NEDD4L: variants seen among roughly 807,000 people sequenced by gnomAD.
NEDD4L encodes E3 ubiquitin-protein ligase NEDD4-like.
In NEDD4L, 54 loss-of-function variants were observed where a neutral mutation model predicts 148.9. The observed-to-expected ratio is 0.36, with a 90% confidence interval of 0.29 to 0.45. The LOEUF (loss-of-function observed/expected upper bound fraction) is 0.45. NEDD4L is among the 20% of genes least tolerant of loss of function. The probability of loss-of-function intolerance (pLI) is 1.00; values close to 1 mark genes in which losing one functional copy is unlikely to be tolerated. For missense variants in NEDD4L, 856 were observed against 1,233.8 expected, an observed-to-expected ratio of 0.69 and a Z score of 4.59; for synonymous variants, 433 against 440.7, an observed-to-expected ratio of 0.98 and a Z score of 0.22.
At chr18:58,150,867 G>A (rs1341631244) in intron 1 of NEDD4L, among the ~76,000 whole-genome samples, 2 of 151,962 alleles carry the variant, frequency 1.3e-5, no homozygotes, top group Non-Finnish European at 2.9e-5. Flanking sequence ...GTGGGGGCGG[G>A]TCGTACCATG....
At chr18:58,301,826 T>C (rs2056503808) in intron 5 of NEDD4L, among the ~76,000 whole-genome samples, 1 of 152,226 alleles carries the variant, frequency 6.6e-6, no homozygotes, top group South Asian at 2.1e-4. Flanking sequence ...ACCAAGAAAC[T>C]GTGCCCAGGC....
At chr18:58,377,544 A>G (rs1219014470) in intron 24 of NEDD4L, among the ~76,000 whole-genome samples, 2 of 152,102 alleles carry the variant, frequency 1.3e-5, no homozygotes, top group Non-Finnish European at 2.9e-5. Flanking sequence ...CTAGGGCCTA[A>G]TATGAAAGTT....
rs2081487553 is a variant in NEDD4L at position 58,044,626 on chromosome 18, G to A, written c.-35G>A. ...CGTCCGCGCCGCAGCACAGCCGCTG[G>A]GAGCGCCTCAGACCCCGCGCGGGGC... On this transcript the variant is annotated 5_prime_UTR_variant, in exon 1 of 31. Coordinates refer to ENST00000400345, the MANE Select transcript of NEDD4L (RefSeq NM_001144967.3). The A allele has an allele frequency of 1.3e-6, 2 of 1,574,370 alleles. No individual in the cohort carries two copies. Among genetic ancestry groups the A allele is most frequent in the Non-Finnish European group, 1.7e-6 (2 of 1,161,286 alleles).
intron 5 of NEDD4L, among the ~76,000 whole-genome samples, chr18:58,297,802 G>A (rs896844596): frequency 2.0e-5 from 3 of 152,108 alleles, no homozygotes; most frequent in Non-Finnish European, 4.4e-5. Context: ...AAATATCTCT[G>A]TGTGCTGGAA....
chr18:58,367,853 G>A lies in NEDD4L; in HGVS notation c.2171G>A (p.Gly724Glu). ...GRVAGLAVFH[G>E]KLLDGFFIRP... ...GTTGCTGGTCTGGCCGTATTTCATG[G>A]GAAGCTCTTAGATGGTAAGTCTTGA... is the stretch of plus-strand genomic sequence containing the variant. The change falls in exon 22 of 31, where the codon GGG (glycine) becomes GAG (glutamate). Residue 724 changes from glycine (G) to glutamate (E), a missense_variant. This residue lies in a region of NEDD4L where 286 missense variants were observed against 531.8 expected (regional missense o/e 0.54). Coordinates refer to ENST00000400345, the MANE Select transcript of NEDD4L (RefSeq NM_001144967.3). 1 of 1,613,942 alleles carries A rather than the reference G, an allele frequency of 6.2e-7. No individual in the cohort carries two copies. Among genetic ancestry groups the A allele is most frequent in the Non-Finnish European group, 8.5e-7 (1 of 1,179,862 alleles).
intron 5 of NEDD4L, chr18:58,255,890 C>T (rs2048463513): frequency 2.4e-6 from 3 of 1,232,128 alleles, no homozygotes; most frequent in Non-Finnish European, 3.0e-6. Flanking sequence ...CATCGACGCC[C>T]GCCCCACGTG....
chr18:58,152,249 G>A (rs2034873037), intron 1 of NEDD4L, among the ~76,000 whole-genome samples: 1 of 152,178 alleles, frequency 6.6e-6, no homozygotes. Flanking sequence ...AAACAGCAAG[G>A]CTTGGGAACA....
Position 58,303,354 on chromosome 18 carries a change from C to T in NEDD4L, c.298-12628C>T, listed in dbSNP as rs545194809. Among the ~76,000 whole-genome samples, 3 of 152,318 alleles carry T rather than the reference C, an allele frequency of 2.0e-5. No homozygotes were observed. In the South Asian group the frequency reaches 6.2e-4, roughly 32 times the overall value. On this transcript the variant is annotated intron_variant, in intron 5 of 30. Transcript: ENST00000400345. Reference sequence around the variant, plus strand: ...TGAATATTTGGGGCATTTTGCTCCTCTGGGCTTTTCTCTAAAGCACCCTCA... The same window carrying T: ...TGAATATTTGGGGCATTTTGCTCCTTTGGGCTTTTCTCTAAAGCACCCTCA...
chr18:58,278,694 G>A (rs2148926954), intron 5 of NEDD4L, among the ~76,000 whole-genome samples: 1 of 152,048 alleles, frequency 6.6e-6, no homozygotes, highest in Middle Eastern at 3.4e-3. Flanking sequence ...TCATGTACAG[G>A]CCTTCAGCCC....
At chr18:58,055,801 T>G (rs1272159051) in intron 1 of NEDD4L, among the ~76,000 whole-genome samples, 1 of 152,266 alleles carries the variant, frequency 6.6e-6, no homozygotes, top group East Asian at 1.9e-4. Flanking sequence ...GCACTCCAGT[T>G]GCGTGAAAGT....
intron 2 of NEDD4L, among the ~76,000 whole-genome samples, chr18:58,198,091 G>A (rs2040936818): frequency 6.6e-6 from 1 of 152,140 alleles, no homozygotes; most frequent in Non-Finnish European, 1.5e-5. Flanking sequence ...GTAACTGTAG[G>A]ATAGGTAAAG....
chr18:58,257,314 A>AGAC (rs1346587388), intron 5 of NEDD4L, among the ~76,000 whole-genome samples: 2 of 152,178 alleles, frequency 1.3e-5, no homozygotes, highest in African/African-American at 4.8e-5. Flanking sequence ...GCAGGAGGTC[A>AGAC]GGTCAGTCGT....
intron 1 of NEDD4L, among the ~76,000 whole-genome samples, chr18:58,160,730 C>T (rs373666374): frequency 3.7e-4 from 57 of 152,252 alleles, no homozygotes; most frequent in African/African-American, 1.1e-3. Flanking sequence ...AAAAGAATGA[C>T]GATGGTTGCT....
intron 1 of NEDD4L, among the ~76,000 whole-genome samples, chr18:58,068,715 AG>A (rs760777438): frequency 1.2e-4 from 19 of 152,208 alleles, no homozygotes; most frequent in Non-Finnish European, 2.2e-4. Flanking sequence ...ATTGCTCTGC[AG>A]GAGACATAGG....
chr18:58,367,782 C>A lies in NEDD4L; in HGVS notation c.2100C>A (p.Gly700=). The A allele has an allele frequency of 6.2e-7, 1 of 1,613,526 alleles. No individual in the cohort carries two copies. Among genetic ancestry groups the A allele is most frequent in the East Asian group, 2.2e-5 (1 of 44,890 alleles). ...NYTLQINPNS[G]LCNEDHLSYF... The stretch of plus-strand genomic sequence containing the variant: ...CCCTTCAGATCAACCCTAATTCAGG[C>A]CTCTGTAATGAGGATCATTTGTCCT... The change falls in exon 22 of 31, where the codon GGC becomes GGA. Residue 700 remains glycine, a synonymous_variant. Coordinates refer to ENST00000400345, the MANE Select transcript of NEDD4L (RefSeq NM_001144967.3).
chr18:58,323,916 G>A (rs970105156), intron 8 of NEDD4L, among the ~76,000 whole-genome samples: 2 of 152,174 alleles, frequency 1.3e-5, no homozygotes, highest in Admixed American at 6.5e-5. Flanking sequence ...CTCGGCCAGT[G>A]CTGTTTTGTT....
intron 1 of NEDD4L, among the ~76,000 whole-genome samples, chr18:58,156,827 A>ACCT (rs1277855219): frequency 6.6e-6 from 1 of 151,704 alleles, no homozygotes; most frequent in Non-Finnish European, 1.5e-5. Context: ...GACTTCTGCC[A>ACCT]CCTCCTCCTC....
chr18:58,300,182 T>A (rs932364305), intron 5 of NEDD4L, among the ~76,000 whole-genome samples: 10 of 152,238 alleles, frequency 6.6e-5, no homozygotes, highest in African/African-American at 2.4e-4. Flanking sequence ...ATCTATCTTC[T>A]AAGGTTGTTG....
chr18:58,351,120 G>A, intron 18 of NEDD4L, 75 bp downstream of exon 18: 1 of 1,544,214 alleles, frequency 6.5e-7, no homozygotes, highest in Non-Finnish European at 8.8e-7. Flanking sequence ...CATAGTGAAA[G>A]CTTTGTCATT....
Sources: gnomAD v4.1 joint callset for allele counts (sites outside exome capture counted in the v4.1 genomes callset) on GRCh38, gnomAD v4.1.1 for gene constraint, gnomAD v4.1.1 regional missense constraint, MANE v1.5 for transcripts, NCBI Gene and HGNC (gene_info 2026-07-23, HGNC 2026-07-21) for gene names.